The following CTNNA3 variants were observed in gnomAD, a reference collection of about 807,000 sequenced individuals.
CTNNA3 encodes the protein catenin alpha 3, also known as catenin alpha-3.
CTNNA3 carries 76 observed loss-of-function variants against 95.7 expected under a neutral mutation model. The ratio of observed to expected loss-of-function variants is 0.79; its 90% CI spans 0.66 to 0.96. The LOEUF is 0.96. Among genes scored for constraint, CTNNA3 ranks in the 40% least tolerant of loss-of-function variants. CTNNA3 has a pLI of 0.00. For synonymous variants in CTNNA3, 431 were observed against 374.4 expected (o/e 1.15, Z -1.74); for missense variants, 1,191 against 1,089.8 (o/e 1.09, Z -1.31).
At position 67,508,868 on chromosome 10, in the gene CTNNA3, C is replaced by T. The variant is rs1224579058; in HGVS notation, c.579+12974G>A. On this transcript the variant is annotated intron_variant, in intron 5 of 17. Transcript: ENST00000433211. ...AACCTAATTAAAAATGAGCAAAATA[C>T]CTAAATAGACATTTTTTTTTTTTTG... Among the ~76,000 whole-genome samples, 6 of 146,938 alleles carry T rather than the reference C, an allele frequency of 4.1e-5. No homozygotes were observed. In the East Asian group the frequency reaches 1.4e-3, roughly 35 times the overall value.
intron 15 of CTNNA3, among the ~76,000 whole-genome samples, chr10:65,989,499 T>C (rs2078495261): frequency 6.6e-6 from 1 of 152,174 alleles, no homozygotes; most frequent in Non-Finnish European, 1.5e-5. Context: ...TATATGTATC[T>C]AACGATTTAT....
At chr10:66,378,571 G>A (rs1233504580) in intron 12 of CTNNA3, among the ~76,000 whole-genome samples, 5 of 152,142 alleles carry the variant, frequency 3.3e-5, no homozygotes, top group Non-Finnish European at 5.9e-5. Flanking sequence ...TTTCACTGAG[G>A]GATTCAAGAA....
At chr10:67,685,309 A>G (rs1840709335) in intron 1 of CTNNA3, among the ~76,000 whole-genome samples, 1 of 152,208 alleles carries the variant, frequency 6.6e-6, no homozygotes, top group African/African-American at 2.4e-5. Context: ...CTGATTCTGT[A>G]AGTACTTTAA....
In CTNNA3 at chr10:67,032,331, T is replaced by C. The variant is rs969587504; in HGVS notation, c.1047+147986A>G. Among the ~76,000 whole-genome samples, 3 of 152,288 alleles carry C rather than the reference T, an allele frequency of 2.0e-5. No individual in the cohort carries two copies. The South Asian group carries it at 6.2e-4, about 32-fold the overall frequency. ...AGAGGTAACTGACATATGAAAACTATCCTTAGAAAGAAATCAAGTAAAGTA... is the reference window on the plus strand; with the variant it reads ...AGAGGTAACTGACATATGAAAACTACCCTTAGAAAGAAATCAAGTAAAGTA... On this transcript the variant is annotated intron_variant, in intron 7 of 17. Transcript: ENST00000433211.
intron 10 of CTNNA3, among the ~76,000 whole-genome samples, chr10:66,616,148 G>C (rs530247060): frequency 5.9e-5 from 9 of 151,932 alleles, no homozygotes; most frequent in African/African-American, 2.2e-4. Context: ...AGATCCATTA[G>C]AGGATCTAAG....
At chr10:66,366,315 C>T (rs2092710997) in intron 12 of CTNNA3, among the ~76,000 whole-genome samples, 2 of 152,146 alleles carry the variant, frequency 1.3e-5, no homozygotes, top group African/African-American at 4.8e-5. Flanking sequence ...AATCTTTAGT[C>T]ACTAAGGTTT....
chr10:66,686,203 G>A (rs1847290676), intron 9 of CTNNA3, among the ~76,000 whole-genome samples: 1 of 152,172 alleles, frequency 6.6e-6, no homozygotes. Context: ...TCTGCCTCAT[G>A]CTATGTTTAT....
intron 1 of CTNNA3, among the ~76,000 whole-genome samples, chr10:67,709,330 G>C (rs1415432695): frequency 1.3e-5 from 2 of 152,128 alleles, no homozygotes; most frequent in African/African-American, 4.8e-5. Context: ...AGTAAAACCA[G>C]AGTTAGGTTC....
At chr10:66,011,672 C>T (rs2079008103) in intron 15 of CTNNA3, among the ~76,000 whole-genome samples, 1 of 152,008 alleles carries the variant, frequency 6.6e-6, no homozygotes, top group Admixed American at 6.6e-5. Context: ...GTCAATCAAG[C>T]CTGGCACTTC....
chr10:66,407,755 AT>A (rs2093069601), intron 11 of CTNNA3, among the ~76,000 whole-genome samples: 1 of 151,946 alleles, frequency 6.6e-6, no homozygotes, highest in Admixed American at 6.5e-5. Context: ...TAATTTTTGT[AT>A]TTTTAATAGA....
intron 13 of CTNNA3, among the ~76,000 whole-genome samples, chr10:66,135,181 A>C (rs1379928615): frequency 6.6e-6 from 1 of 152,206 alleles, no homozygotes; most frequent in Non-Finnish European, 1.5e-5. Context: ...CCTCAATTGC[A>C]ACAAAAACAC....
chr10:66,241,148 A>T (rs1365315051), intron 13 of CTNNA3, among the ~76,000 whole-genome samples: 1 of 63,812 alleles, frequency 1.6e-5, no homozygotes, highest in Non-Finnish European at 3.5e-5. Flanking sequence ...TTGTCTTCTT[A>T]AAAGGGTTAA....
chr10:67,017,266 A>G (rs1221478730), intron 7 of CTNNA3, among the ~76,000 whole-genome samples: 1 of 152,214 alleles, frequency 6.6e-6, no homozygotes, highest in Non-Finnish European at 1.5e-5. Flanking sequence ...GCCAACTTCA[A>G]ATAAACTAGG....
intron 16 of CTNNA3, among the ~76,000 whole-genome samples, chr10:65,982,473 A>G (rs568945617): frequency 1.3e-5 from 2 of 151,718 alleles, no homozygotes; most frequent in African/African-American, 4.8e-5. Context: ...AAGTAGAACT[A>G]TCATCTGATC....
intron 3 of CTNNA3, among the ~76,000 whole-genome samples, chr10:67,583,468 C>G (rs1842492449): frequency 6.6e-6 from 1 of 152,200 alleles, no homozygotes; most frequent in African/African-American, 2.4e-5. Flanking sequence ...GTAACCTGAT[C>G]TTTCTCTCTG....
intron 12 of CTNNA3, among the ~76,000 whole-genome samples, chr10:66,321,662 T>C (rs1343750327): frequency 6.6e-6 from 1 of 152,150 alleles, no homozygotes; most frequent in East Asian, 1.9e-4. Flanking sequence ...AAAATACTGA[T>C]TGTTTCCATA....
At chr10:67,182,918 GC>G (rs1589833194) in intron 6 of CTNNA3, among the ~76,000 whole-genome samples, 1 of 152,186 alleles carries the variant, frequency 6.6e-6, no homozygotes, top group Non-Finnish European at 1.5e-5. Flanking sequence ...CATTTATGCA[GC>G]CAAAAGACAC....
intron 9 of CTNNA3, among the ~76,000 whole-genome samples, chr10:66,646,605 A>G (rs955381126): frequency 6.6e-6 from 1 of 152,140 alleles, no homozygotes; most frequent in Non-Finnish European, 1.5e-5. Context: ...ATTAAGGTAT[A>G]CTCTAAATTG....
intron 13 of CTNNA3, among the ~76,000 whole-genome samples, chr10:66,171,088 G>C (rs765194054): frequency 9.9e-5 from 15 of 151,972 alleles, no homozygotes; most frequent in Non-Finnish European, 4.4e-5. Context: ...AGCCGAGATG[G>C]AGCCACTGCA....
Sources: allele counts gnomAD v4.1 joint callset (sites outside exome capture counted in the v4.1 genomes callset), GRCh38; gene constraint gnomAD v4.1.1; transcripts MANE v1.5; gene names NCBI Gene and HGNC (gene_info 2026-07-23, HGNC 2026-07-21).